Variants in GALK2 observed in about 807,000 individuals in gnomAD.
The protein encoded by GALK2 is galactokinase 2.
In GALK2, 36 loss-of-function variants were observed where a neutral mutation model predicts 52.4. The ratio of observed to expected loss-of-function variants is 0.69; its 90% CI spans 0.53 to 0.91. GALK2 has a LOEUF of 0.91. Ranked by LOEUF, GALK2 falls within the 40% of genes least tolerant of loss-of-function variation. GALK2 has a pLI of 0.00. For synonymous variants in GALK2, 176 were observed against 199.1 expected (o/e 0.88, Z 0.98); for missense variants, 579 against 559.1 (o/e 1.04, Z -0.36).
chr15:49,248,934 TTAA>T (rs1212267809), intron 5 of GALK2, among the ~76,000 whole-genome samples: 2 of 152,210 alleles, frequency 1.3e-5, no homozygotes, highest in Non-Finnish European at 2.9e-5. Context: ...TTGCTACAAA[TTAA>T]TATGTATGCC....
downstream of GALK2, among the ~76,000 whole-genome samples, chr15:49,336,780 G>A (rs2151187204): frequency 6.6e-6 from 1 of 152,314 alleles, no homozygotes; most frequent in Admixed American, 6.5e-5. Flanking sequence ...CGATATTGAG[G>A]TTTGGGGTCT....
chr15:49,363,595 C>A (rs1426636370), intron 3 of GALK2, among the ~76,000 whole-genome samples: 1 of 152,136 alleles, frequency 6.6e-6, no homozygotes, highest in Non-Finnish European at 1.5e-5. Flanking sequence ...TTCCTCTGTT[C>A]TTATTTGAAT....
At chr15:49,231,489 T>A (rs2090500601) in intron 3 of GALK2, among the ~76,000 whole-genome samples, 1 of 152,188 alleles carries the variant, frequency 6.6e-6, no homozygotes, top group Non-Finnish European at 1.5e-5. Context: ...GGTACTCACA[T>A]TCCAAAATTC....
intron 7 of GALK2, among the ~76,000 whole-genome samples, chr15:49,285,147 G>A (rs1022935102): frequency 2.6e-5 from 4 of 151,910 alleles, no homozygotes; most frequent in African/African-American, 9.7e-5. Flanking sequence ...CTCTTTCTTA[G>A]GCCACCAAAG....
In GALK2 at chr15:49,328,303, G is replaced by GCTATAT. The variant is rs2037881921; in HGVS notation, c.*144_*145insCTATAT. The GCTATAT allele has an allele frequency of 7.7e-6, 11 of 1,436,336 alleles. No individual in the cohort carries two copies. In the South Asian group the frequency reaches 1.7e-4, roughly 22 times the overall value. 89.0% of individuals were successfully genotyped at this position (1,436,336 alleles called of 1,614,324 possible). A position where few individuals can be genotyped will look rare whatever the true frequency, so the allele number is the denominator to read the frequency against. The stretch of plus-strand genomic sequence containing the variant: ...ATCAAGATATATTTTCAAAGAAATG[G>GCTATAT]TTGAAAGCTCTCTATGCTTCATAAT... On this transcript the variant is annotated 3_prime_UTR_variant, in exon 10 of 10. Coordinates refer to ENST00000560031, the MANE Select transcript of GALK2 (RefSeq NM_002044.4).
intron 9 of GALK2, among the ~76,000 whole-genome samples, chr15:49,322,025 G>C (rs570697324): frequency 1.3e-5 from 2 of 152,184 alleles, no homozygotes; most frequent in Non-Finnish European, 2.9e-5. Context: ...GCTTCGCTTT[G>C]TGTTCTCCAT....
intron 2 of GALK2, among the ~76,000 whole-genome samples, chr15:49,215,511 G>T (rs2089297470): frequency 6.6e-6 from 1 of 150,714 alleles, no homozygotes; most frequent in Non-Finnish European, 1.5e-5. Context: ...TTCTGCTGTT[G>T]AGAGACTCTG....
chr15:49,170,330 C>G lies in GALK2; in HGVS notation c.8C>G (p.Thr3Arg), dbSNP rs202114334. 6.3e-7 allele frequency: 1 copy of G among 1,589,002 alleles called. No individual in the cohort carries two copies. The highest frequency in any genetic ancestry group is 1.2e-5 in the South Asian group (1 of 86,808). ...AGAAGGATCTAGCGAAATATGGCTA[C>G]AGAGAGCCCTGCTACGCGTCGGGTC... is the stretch of plus-strand genomic sequence containing the variant. MA[T>R]ESPATRRVQV... is the part of the protein sequence containing the mutation. Residue 3 changes from threonine (T) to arginine (R), a missense_variant, in exon 1 of 10, where the codon ACA becomes AGA. Physicochemically the swap from Thr to Arg is moderately conservative, Grantham distance 71. Coordinates refer to ENST00000560031, the MANE Select transcript of GALK2 (RefSeq NM_002044.4).
At chr15:49,344,795 T>A (rs1224678757) in intron 3 of GALK2, among the ~76,000 whole-genome samples, 1 of 152,162 alleles carries the variant, frequency 6.6e-6, no homozygotes, top group Non-Finnish European at 1.5e-5. Flanking sequence ...GGTTCAGCAA[T>A]CTTCCTGAAA....
At chr15:49,236,660 T>TC (rs1355009658) in intron 4 of GALK2, among the ~76,000 whole-genome samples, 7 of 152,248 alleles carry the variant, frequency 4.6e-5, no homozygotes, top group Non-Finnish European at 7.3e-5. Flanking sequence ...GCCACTTTTA[T>TC]ATTGCAATAA....
At chr15:49,259,469 T>G (rs1316266832) in intron 5 of GALK2, among the ~76,000 whole-genome samples, 5 of 151,462 alleles carry the variant, frequency 3.3e-5, no homozygotes, top group Non-Finnish European at 7.4e-5. Context: ...GATAGTTTAC[T>G]GAGAATGATG....
At chr15:49,197,283 A>C (rs1363042414) in intron 1 of GALK2, among the ~76,000 whole-genome samples, 1 of 152,230 alleles carries the variant, frequency 6.6e-6, no homozygotes, top group South Asian at 2.1e-4. Flanking sequence ...AGCATAATAC[A>C]TTCAGTCCTA....
upstream of GALK2, among the ~76,000 whole-genome samples, chr15:49,169,439 G>A (rs987340604): frequency 1.3e-5 from 2 of 151,944 alleles, no homozygotes; most frequent in African/African-American, 4.8e-5. Flanking sequence ...ACCTTTCGTC[G>A]TTCATTCAGT....
intron 3 of GALK2, among the ~76,000 whole-genome samples, chr15:49,346,212 G>A (rs1462477080): frequency 6.6e-6 from 1 of 152,132 alleles, no homozygotes; most frequent in African/African-American, 2.4e-5. Context: ...ATTCAAACTG[G>A]TTGAGACCAC....
chr15:49,329,439 C>T lies in GALK2; in HGVS notation c.*1280C>T. The T allele has an allele frequency of 1.0e-6, 1 of 984,796 alleles. No individual in the cohort carries two copies. Among genetic ancestry groups the T allele is most frequent in the Non-Finnish European group, 1.2e-6 (1 of 829,348 alleles). The allele number at this position is 984,796 out of a possible 1,614,324, so 61.0% of individuals were successfully genotyped here. On this transcript the variant is annotated 3_prime_UTR_variant, in exon 10 of 10. Transcript: ENST00000560031. ...AAAAATATCAGAATTACTTATTATT[C>T]TGTGATTTCATTAGCTCATTAATGT...
chr15:49,209,529 G>T (rs1351126908), intron 2 of GALK2, among the ~76,000 whole-genome samples: 1 of 152,096 alleles, frequency 6.6e-6, no homozygotes, highest in Admixed American at 6.6e-5. Context: ...TATGTTAAGA[G>T]TTTTTATCAT....
chr15:49,235,014 C>T (rs796622392), intron 3 of GALK2, among the ~76,000 whole-genome samples: 1 of 152,180 alleles, frequency 6.6e-6, no homozygotes, highest in African/African-American at 2.4e-5. Context: ...ATCCGCCTGC[C>T]TTGGCCTCCC....
At position 49,331,032 on chromosome 15, in the gene GALK2, A is replaced by C. The variant is rs2038628125; in HGVS notation, c.*2873A>C. The stretch of plus-strand genomic sequence containing the variant: ...CCTGTTTGTATATTATACAACACCC[A>C]GGTGTTTCACTCTTTCTATCACTTT... On this transcript the variant is annotated 3_prime_UTR_variant, in exon 10 of 10. Coordinates refer to ENST00000560031, the MANE Select transcript of GALK2 (RefSeq NM_002044.4). The C allele has an allele frequency of 1.3e-5, 2 of 152,232 alleles. No individual in the cohort carries two copies. The highest frequency in any genetic ancestry group is 6.5e-5 in the Admixed American group (1 of 15,274). 9.4% of individuals were successfully genotyped at this position (152,232 alleles called of 1,614,324 possible).
chr15:49,204,700 T>G (rs2088116672), intron 2 of GALK2, among the ~76,000 whole-genome samples: 1 of 152,200 alleles, frequency 6.6e-6, no homozygotes, highest in African/African-American at 2.4e-5. Context: ...TTTATTATTT[T>G]AAAATCTTAT....
Sources: gnomAD v4.1 joint callset for allele counts (sites outside exome capture counted in the v4.1 genomes callset) on GRCh38, gnomAD v4.1.1 for gene constraint, MANE v1.5 for transcripts, NCBI Gene and HGNC (gene_info 2026-07-23, HGNC 2026-07-21) for gene names.